Variants in MALRD1 observed in about 807,000 individuals in gnomAD.
MALRD1 encodes the protein MAM and LDL-receptor class A domain-containing protein 1.
In MALRD1, 247 loss-of-function variants were observed where a neutral mutation model predicts 242.1. The ratio of observed to expected loss-of-function variants is 1.02; its 90% CI spans 0.92 to 1.13. The LOEUF (loss-of-function observed/expected upper bound fraction) is 1.13, where lower values mean the gene tolerates loss of function less well. Ranked by LOEUF, MALRD1 falls within the 50% of genes most tolerant of loss-of-function variation. The pLI, the probability that MALRD1 is intolerant of heterozygous loss-of-function variation, is 0.00. For missense variants in MALRD1, 2,989 were observed against 2,533.1 expected, an observed-to-expected ratio of 1.18 and a Z score of -3.86; for synonymous variants, 995 against 866.6, an observed-to-expected ratio of 1.15 and a Z score of -2.60.
chr10:19,108,380 G>GTTTTTTTTTTT (rs1836547064), intron 5 of MALRD1, among the ~76,000 whole-genome samples: 1 of 21,280 alleles, frequency 4.7e-5, no homozygotes, highest in African/African-American at 2.2e-4. Context: ...CTCATGAATT[G>GTTTTTTTTTTT]TTTTTTCTTT....
chr10:19,240,206 G>A (rs769786183), intron 18 of MALRD1, among the ~76,000 whole-genome samples: 2 of 151,670 alleles, frequency 1.3e-5, no homozygotes, highest in East Asian at 1.9e-4. Flanking sequence ...GATCTTTCAC[G>A]GCCTTGATTA....
At chr10:19,149,810 A>G (rs1214707932) in intron 11 of MALRD1, among the ~76,000 whole-genome samples, 1 of 152,182 alleles carries the variant, frequency 6.6e-6, no homozygotes, top group Non-Finnish European at 1.5e-5. Flanking sequence ...ATTCCTGCCC[A>G]ACACATTTTT....
intron 28 of MALRD1, among the ~76,000 whole-genome samples, chr10:19,412,494 C>T (rs1411143644): frequency 2.0e-5 from 3 of 152,086 alleles, no homozygotes; most frequent in Admixed American, 6.6e-5. Flanking sequence ...ACTAGAAAAC[C>T]CAAATTTGTA....
At chr10:19,442,525 G>A (rs978721290) in intron 28 of MALRD1, among the ~76,000 whole-genome samples, 1 of 152,022 alleles carries the variant, frequency 6.6e-6, no homozygotes, top group Non-Finnish European at 1.5e-5. Context: ...GTTTTTAGCA[G>A]GAAGGGCTGT....
At chr10:19,417,596 A>C (rs1254968525) in intron 28 of MALRD1, among the ~76,000 whole-genome samples, 8 of 152,172 alleles carry the variant, frequency 5.3e-5, no homozygotes, top group Non-Finnish European at 8.8e-5. Flanking sequence ...GTAAAGTTTT[A>C]ATTAGCTTTA....
At position 19,442,348 on chromosome 10, in the gene MALRD1, G is replaced by A. The variant is rs1281239596; in HGVS notation, c.4846-7959G>A. Among the ~76,000 whole-genome samples, 3 of 147,146 alleles carry A rather than the reference G, an allele frequency of 2.0e-5. No individual in the cohort carries two copies. In the East Asian group the frequency reaches 6.0e-4, roughly 29 times the overall value. ...ATTTCTTTCTCCTGTCTGATTGCCA[G>A]CATCATGTTGAATAGGAGTGGTGAG... On this transcript the variant is annotated intron_variant, in intron 28 of 39. Transcript: ENST00000454679.
intron 14 of MALRD1, among the ~76,000 whole-genome samples, chr10:19,189,292 A>G (rs1835874951): frequency 6.6e-6 from 1 of 152,184 alleles, no homozygotes; most frequent in Admixed American, 6.5e-5. Context: ...ACCTACAACT[A>G]GCAAAGAGAT....
intron 19 of MALRD1, among the ~76,000 whole-genome samples, chr10:19,272,758 C>G (rs1055904842): frequency 1.3e-5 from 2 of 152,270 alleles, no homozygotes; most frequent in South Asian, 4.2e-4. Flanking sequence ...GTTCAACTCC[C>G]ACTGTGAGTG....
intron 28 of MALRD1, among the ~76,000 whole-genome samples, chr10:19,396,206 C>G (rs1320284527): frequency 2.0e-5 from 3 of 149,008 alleles, no homozygotes; most frequent in African/African-American, 7.5e-5. Flanking sequence ...GATGCAATCT[C>G]AGCTCACTGC....
At chr10:19,280,787 T>C (rs1840767607) in intron 20 of MALRD1, among the ~76,000 whole-genome samples, 1 of 152,192 alleles carries the variant, frequency 6.6e-6, no homozygotes, top group South Asian at 2.1e-4. Flanking sequence ...CTATTTAGTT[T>C]AAAAATGGGC....
intron 29 of MALRD1, among the ~76,000 whole-genome samples, chr10:19,473,734 C>T (rs1345589426): frequency 6.6e-6 from 1 of 152,068 alleles, no homozygotes; most frequent in Non-Finnish European, 1.5e-5. Flanking sequence ...TTAATGGACA[C>T]TTGGATTACT....
chr10:19,701,811 C>T (rs1409750450), intron 38 of MALRD1, among the ~76,000 whole-genome samples: 5 of 144,528 alleles, frequency 3.5e-5, no homozygotes, highest in Non-Finnish European at 6.0e-5. Context: ...TTTTCTCTTT[C>T]TCTTCTCCAT....
chr10:19,307,540 A>G (rs1327725108), intron 21 of MALRD1, among the ~76,000 whole-genome samples: 1 of 148,572 alleles, frequency 6.7e-6, no homozygotes, highest in Non-Finnish European at 1.5e-5. Context: ...TGGATGAGAT[A>G]TTATTAGTTC....
At chr10:19,284,043 G>C (rs1213090076) in intron 21 of MALRD1, among the ~76,000 whole-genome samples, 1 of 152,174 alleles carries the variant, frequency 6.6e-6, no homozygotes, top group African/African-American at 2.4e-5. Flanking sequence ...CTTTCTGAAT[G>C]GAACACAAAG....
At chr10:19,084,100 T>A (rs1462429712) in intron 2 of MALRD1, among the ~76,000 whole-genome samples, 1 of 151,974 alleles carries the variant, frequency 6.6e-6, no homozygotes, top group Non-Finnish European at 1.5e-5. Flanking sequence ...CTTGTAGTAA[T>A]GATAAGGGAT....
intron 25 of MALRD1, among the ~76,000 whole-genome samples, chr10:19,351,595 G>C (rs546046593): frequency 6.6e-6 from 1 of 152,252 alleles, no homozygotes; most frequent in South Asian, 2.1e-4. Flanking sequence ...TAAGTTTCAT[G>C]AGATTAAAAA....
intron 36 of MALRD1, among the ~76,000 whole-genome samples, chr10:19,630,352 A>G (rs771948470): frequency 1.8e-4 from 27 of 152,286 alleles, no homozygotes; most frequent in Admixed American, 4.6e-4. Context: ...ATATAATATC[A>G]CTTCATAGTA....
At chr10:19,573,240 G>T (rs149968860) in intron 33 of MALRD1, among the ~76,000 whole-genome samples, 2 of 152,210 alleles carry the variant, frequency 1.3e-5, no homozygotes, top group Non-Finnish European at 2.9e-5. Flanking sequence ...AACTCTCCCT[G>T]GCCCTGGAAG....
chr10:19,159,690 C>G (rs774339510), intron 12 of MALRD1, among the ~76,000 whole-genome samples: 2 of 151,932 alleles, frequency 1.3e-5, no homozygotes, highest in Non-Finnish European at 2.9e-5. Context: ...TCATTTTGAA[C>G]TTCTGAATCA....
Sources: gnomAD v4.1 joint callset for allele counts (sites outside exome capture counted in the v4.1 genomes callset) on GRCh38, gnomAD v4.1.1 for gene constraint, MANE v1.5 for transcripts, NCBI Gene and HGNC (gene_info 2026-07-23, HGNC 2026-07-21) for gene names.